Variants in SLC35D4 observed in about 807,000 individuals in gnomAD.
The protein encoded by SLC35D4 is UDP-N-acetylglucosamine transporter SLC35D4.
At chr18:23,368,760 G>T in the SLC35D4 span, 1 of 1,445,676 alleles carries the variant, frequency 6.9e-7, no homozygotes, top group South Asian at 1.2e-5. Context: ...ACTAAGGAAT[G>T]AGAGAGGAAA....
chr18:23,436,685 C>G, the SLC35D4 span, among the ~76,000 whole-genome samples: 295 of 152,184 alleles, frequency 1.9e-3, 2 homozygotes, highest in Non-Finnish European at 3.5e-3. Flanking sequence ...CCCAGCTACT[C>G]ACGAGGCTGA....
chr18:23,254,075 T>C, the SLC35D4 span: 14 of 694,656 alleles, frequency 2.0e-5, no homozygotes, highest in Non-Finnish European at 3.2e-5. Flanking sequence ...TATGAAGTCT[T>C]TCCCATAGTG....
the SLC35D4 span, among the ~76,000 whole-genome samples, chr18:23,278,735 G>A: frequency 6.6e-6 from 1 of 152,124 alleles, no homozygotes; most frequent in Non-Finnish European, 1.5e-5. Flanking sequence ...GGCTGGGTGT[G>A]GAGACTCAAG....
At chr18:23,244,524 G>C in the SLC35D4 span, among the ~76,000 whole-genome samples, 2 of 152,364 alleles carry the variant, frequency 1.3e-5, no homozygotes, top group East Asian at 3.9e-4. Flanking sequence ...GCCTAGAACA[G>C]CTGAAATGCC....
chr18:23,290,158 G>A, the SLC35D4 span, among the ~76,000 whole-genome samples: 3 of 152,222 alleles, frequency 2.0e-5, no homozygotes, highest in Admixed American at 1.3e-4. Context: ...GCTGGAGAGT[G>A]CACCTTCCCT....
At chr18:23,404,645 C>T in the SLC35D4 span, among the ~76,000 whole-genome samples, 8 of 145,238 alleles carry the variant, frequency 5.5e-5, no homozygotes, top group African/African-American at 2.0e-4. Flanking sequence ...GCCGAGATCA[C>T]GCCATTGCAC....
the SLC35D4 span, among the ~76,000 whole-genome samples, chr18:23,344,588 T>C: frequency 7.5e-6 from 1 of 133,536 alleles, no homozygotes; most frequent in Non-Finnish European, 1.5e-5. Context: ...TTTCTTTTTC[T>C]TTTTTTTTCT....
the SLC35D4 span, among the ~76,000 whole-genome samples, chr18:23,417,241 CAA>C: frequency 3.7e-5 from 5 of 134,478 alleles, no homozygotes; most frequent in Admixed American, 7.8e-5. Context: ...GACCTTGCCT[CAA>C]AAAAAAAAAA....
chr18:23,318,888 G>T, the SLC35D4 span, among the ~76,000 whole-genome samples: 3 of 152,140 alleles, frequency 2.0e-5, no homozygotes, highest in Non-Finnish European at 2.9e-5. Flanking sequence ...CTGTCACCCA[G>T]GCTGGAGTAC....
the SLC35D4 span, among the ~76,000 whole-genome samples, chr18:23,246,215 G>C: frequency 4.6e-5 from 7 of 150,828 alleles, no homozygotes; most frequent in Non-Finnish European, 1.0e-4. Flanking sequence ...AGTGAGCAGA[G>C]ATCACACCAC....
At chr18:23,380,089 G>A in the SLC35D4 span, among the ~76,000 whole-genome samples, 3 of 151,512 alleles carry the variant, frequency 2.0e-5, no homozygotes, top group Non-Finnish European at 4.4e-5. Context: ...AGGGTGAGGC[G>A]GTCTCAAAAA....
the SLC35D4 span, among the ~76,000 whole-genome samples, chr18:23,300,558 G>C: frequency 6.6e-6 from 1 of 152,184 alleles, no homozygotes; most frequent in East Asian, 1.9e-4. Flanking sequence ...AAACACCAAA[G>C]CAGCTTAGTA....
At chr18:23,325,878 C>T in the SLC35D4 span, among the ~76,000 whole-genome samples, 1 of 152,216 alleles carries the variant, frequency 6.6e-6, no homozygotes, top group Non-Finnish European at 1.5e-5. Context: ...GTGTCCTTCT[C>T]TATCAAGAAG....
At chr18:23,372,349 C>G in the SLC35D4 span, among the ~76,000 whole-genome samples, 1 of 152,172 alleles carries the variant, frequency 6.6e-6, no homozygotes, top group Non-Finnish European at 1.5e-5. Context: ...CTCAATGACA[C>G]TGGATCACAG....
chr18:23,427,168 G>C, the SLC35D4 span, among the ~76,000 whole-genome samples: 5 of 152,166 alleles, frequency 3.3e-5, no homozygotes, highest in African/African-American at 1.2e-4. Context: ...ATTGACAAAT[G>C]GGATCTGATT....
chr18:23,404,992 CAAAAAAAAAA>C, the SLC35D4 span, among the ~76,000 whole-genome samples: 66 of 44,502 alleles, frequency 1.5e-3, no homozygotes, highest in East Asian at 0.015. Context: ...GACTCCGTCT[CAAAAAAAAAA>C]AAAAAAAAAA....
the SLC35D4 span, among the ~76,000 whole-genome samples, chr18:23,280,397 C>T: frequency 1.6e-4 from 25 of 152,368 alleles, no homozygotes; most frequent in Middle Eastern, 6.8e-3. Context: ...TCCACTCTGT[C>T]CCCTGGTTCC....
the SLC35D4 span, among the ~76,000 whole-genome samples, chr18:23,302,777 G>T: frequency 1.7e-4 from 26 of 152,350 alleles, no homozygotes; most frequent in African/African-American, 6.3e-4. Context: ...GCCAGCCAGG[G>T]TGGTGGAGGC....
At chr18:23,324,956 G>A in the SLC35D4 span, among the ~76,000 whole-genome samples, 1 of 152,170 alleles carries the variant, frequency 6.6e-6, no homozygotes, top group East Asian at 1.9e-4. Flanking sequence ...TTCATTTAAA[G>A]AAGAGGGGCA....
Sources: allele counts gnomAD v4.1 joint callset (sites outside exome capture counted in the v4.1 genomes callset), GRCh38; gene constraint gnomAD v4.1.1; transcripts MANE v1.5; gene names NCBI Gene and HGNC (gene_info 2026-07-23, HGNC 2026-07-21).